The following THSD7B variants were observed in gnomAD, a reference collection of about 807,000 sequenced individuals.
The protein encoded by THSD7B is thrombospondin type 1 domain containing 7B.
Under a neutral mutation model 213.6 loss-of-function variants are expected in THSD7B, and 138 were observed. The observed-to-expected ratio is 0.65, with a 90% CI of 0.56 to 0.74. The LOEUF (loss-of-function observed/expected upper bound fraction) is 0.74, where lower values mean the gene tolerates loss of function less well. THSD7B is among the 30% of genes least tolerant of loss of function. THSD7B has a pLI of 0.00. For missense variants in THSD7B, 1,931 were observed against 1,991.5 expected (o/e 0.97, Z 0.58); for synonymous variants, 742 against 687.0 (o/e 1.08, Z -1.25).
At chr2:136,801,046 C>T (rs1395699097) in intron 1 of THSD7B, among the ~76,000 whole-genome samples, 1 of 151,906 alleles carries the variant, frequency 6.6e-6, no homozygotes, top group Non-Finnish European at 1.5e-5. Flanking sequence ...TCTTTACCCA[C>T]TGTGTGTACG....
At chr2:137,018,343 G>T (rs537708011) in intron 2 of THSD7B, among the ~76,000 whole-genome samples, 1 of 152,082 alleles carries the variant, frequency 6.6e-6, no homozygotes, top group Non-Finnish European at 1.5e-5. Context: ...TCCCAAGAAT[G>T]ATTTATTTGT....
intron 3 of THSD7B, among the ~76,000 whole-genome samples, chr2:137,057,586 T>C (rs1558902904): frequency 6.6e-6 from 1 of 152,238 alleles, no homozygotes; most frequent in South Asian, 2.1e-4. Context: ...TCAAGTTCAA[T>C]TTCAAATGTG....
At chr2:137,602,754 G>A (rs1178036382) in intron 17 of THSD7B, among the ~76,000 whole-genome samples, 1 of 152,140 alleles carries the variant, frequency 6.6e-6, no homozygotes, top group East Asian at 1.9e-4. Context: ...TCATGAGAGT[G>A]GAGTCCCCAT....
chr2:137,309,498 T>TTTTA (rs201841752), intron 12 of THSD7B, among the ~76,000 whole-genome samples: 11,154 of 150,686 alleles, frequency 0.074, 599 homozygotes, highest in African/African-American at 0.13. Context: ...ATATATATAA[T>TTTTA]TTTATTTATT....
intron 15 of THSD7B, among the ~76,000 whole-genome samples, chr2:137,553,659 T>C (rs1680894558): frequency 6.6e-6 from 1 of 152,214 alleles, no homozygotes; most frequent in Admixed American, 6.5e-5. Flanking sequence ...TTAGCATCTA[T>C]GGCCCTATTA....
chr2:137,251,073 G>T (rs2105073115), intron 10 of THSD7B, among the ~76,000 whole-genome samples: 1 of 152,278 alleles, frequency 6.6e-6, no homozygotes, highest in Admixed American at 6.5e-5. Context: ...AAAGTACCAA[G>T]AAATAAACTT....
At chr2:137,167,826 C>T (rs1207610942) in intron 6 of THSD7B, among the ~76,000 whole-genome samples, 12 of 152,128 alleles carry the variant, frequency 7.9e-5, no homozygotes, top group Non-Finnish European at 5.9e-5. Flanking sequence ...TTCCACTGTC[C>T]AATCTACTCA....
At position 137,317,138 on chromosome 2, in the gene THSD7B, T is replaced by C. The variant is rs774417290; in HGVS notation, c.2500+41112T>C. Among the ~76,000 whole-genome samples, 20 of 152,322 alleles carry C rather than the reference T, an allele frequency of 1.3e-4. 1 individual carries two copies. Among genetic ancestry groups the C allele is most frequent in the South Asian group, 4.1e-4 (2 of 4,830 alleles). ...CAAATTTTTTGTATATCTTGATTTT[T>C]TTTCCTGTTCTTTTATCTTTGTTCA... On this transcript the variant is annotated intron_variant, in intron 12 of 27. Transcript: ENST00000409968.
chr2:137,543,812 A>C (rs1680650818), intron 15 of THSD7B, among the ~76,000 whole-genome samples: 1 of 151,736 alleles, frequency 6.6e-6, no homozygotes, highest in Non-Finnish European at 1.5e-5. Context: ...CAGGACTTAG[A>C]CATTTCTCCA....
At chr2:137,538,750 C>A (rs1481561711) in intron 15 of THSD7B, among the ~76,000 whole-genome samples, 4 of 151,612 alleles carry the variant, frequency 2.6e-5, no homozygotes, top group African/African-American at 9.7e-5. Flanking sequence ...ATTGGCCATG[C>A]CTGGCTTATT....
At chr2:137,058,742 G>A (rs1217575273) in intron 3 of THSD7B, among the ~76,000 whole-genome samples, 6 of 152,106 alleles carry the variant, frequency 3.9e-5, no homozygotes, top group Non-Finnish European at 5.9e-5. Context: ...TAATTATGTC[G>A]TGATGATGCA....
intron 1 of THSD7B, among the ~76,000 whole-genome samples, chr2:136,842,257 A>G (rs1203210095): frequency 6.6e-6 from 1 of 152,224 alleles, no homozygotes; most frequent in Non-Finnish European, 1.5e-5. Flanking sequence ...GGGTTATTTT[A>G]TAGGTGTCAA....
At chr2:137,660,217 G>A (rs1204037658) in intron 25 of THSD7B, among the ~76,000 whole-genome samples, 2 of 151,632 alleles carry the variant, frequency 1.3e-5, no homozygotes, top group Non-Finnish European at 2.9e-5. Flanking sequence ...TGGCGGTTAT[G>A]CATGTATTTT....
At chr2:137,415,315 C>A (rs1171909175) in intron 14 of THSD7B, among the ~76,000 whole-genome samples, 8 of 152,138 alleles carry the variant, frequency 5.3e-5, no homozygotes, top group Non-Finnish European at 2.9e-5. Flanking sequence ...GGGAACACAA[C>A]TCCATAAATT....
intron 12 of THSD7B, among the ~76,000 whole-genome samples, chr2:137,315,109 G>A (rs930010428): frequency 6.6e-5 from 10 of 152,092 alleles, no homozygotes; most frequent in Admixed American, 2.0e-4. Flanking sequence ...CCCCAGCCTC[G>A]CTGCCGCCTT....
At chr2:137,445,941 G>C (rs1468535189) in intron 14 of THSD7B, among the ~76,000 whole-genome samples, 3 of 151,328 alleles carry the variant, frequency 2.0e-5, no homozygotes, top group Admixed American at 2.0e-4. Context: ...ACTTTAAAAA[G>C]CAGGTTTTTA....
intron 20 of THSD7B, among the ~76,000 whole-genome samples, chr2:137,638,024 A>G (rs1423940675): frequency 1.3e-5 from 2 of 152,344 alleles, no homozygotes; most frequent in East Asian, 3.9e-4. Flanking sequence ...GGCAGGGACA[A>G]CATTTGATGT....
intron 10 of THSD7B, 119 bp downstream of exon 10, chr2:137,242,691 C>G (rs1052335027): frequency 9.9e-5 from 67 of 675,132 alleles, no homozygotes; most frequent in Admixed American, 1.2e-4. Flanking sequence ...GCCTATCACC[C>G]TGGAAACAAG....
chr2:137,182,649 A>G (rs1680477076), intron 7 of THSD7B, among the ~76,000 whole-genome samples: 1 of 152,166 alleles, frequency 6.6e-6, no homozygotes, highest in African/African-American at 2.4e-5. Context: ...TCTCTTTGTA[A>G]TAATATAGCT....
Sources: allele counts gnomAD v4.1 joint callset (sites outside exome capture counted in the v4.1 genomes callset), GRCh38; gene constraint gnomAD v4.1.1; transcripts MANE v1.5; gene names NCBI Gene and HGNC (gene_info 2026-07-23, HGNC 2026-07-21).